DIS3L2: variants seen among roughly 807,000 people sequenced by gnomAD.
DIS3L2 encodes the protein DIS3 like 3'-5' exoribonuclease 2, also known as DIS3-like exonuclease 2.
Under a neutral mutation model 97.5 loss-of-function variants are expected in DIS3L2, and 34 were observed. That is an observed-to-expected ratio of 0.35 (90% CI 0.27 to 0.46). DIS3L2 has a LOEUF of 0.46. Ranked by LOEUF, DIS3L2 falls within the 20% of genes least tolerant of loss-of-function variation. The probability of loss-of-function intolerance (pLI) is 1.00; values close to 1 mark genes in which losing one functional copy is unlikely to be tolerated. For synonymous variants in DIS3L2, 435 were observed against 445.2 expected (o/e 0.98, Z 0.29); for missense variants, 1,038 against 1,146.0 (o/e 0.91, Z 1.36).
chr2:231,964,678 C>T (rs1692662595), intron 1 of DIS3L2, among the ~76,000 whole-genome samples: 1 of 152,180 alleles, frequency 6.6e-6, no homozygotes, highest in South Asian at 2.1e-4. Flanking sequence ...TATCAAAATT[C>T]ATTTAAAACT....
intron 14 of DIS3L2, among the ~76,000 whole-genome samples, chr2:232,312,634 G>A (rs1437815041): frequency 2.6e-5 from 4 of 152,172 alleles, no homozygotes; most frequent in Admixed American, 6.5e-5. Context: ...CCACATACAT[G>A]CACACAAACT....
chr2:232,319,585 C>A (rs1695370523), intron 14 of DIS3L2, among the ~76,000 whole-genome samples: 1 of 152,200 alleles, frequency 6.6e-6, no homozygotes, highest in Admixed American at 6.5e-5. Flanking sequence ...GCTACAGCCT[C>A]TACCAGGAAC....
At chr2:232,014,510 C>G (rs1022842187) in intron 1 of DIS3L2, among the ~76,000 whole-genome samples, 25 of 152,168 alleles carry the variant, frequency 1.6e-4, no homozygotes, top group Non-Finnish European at 3.7e-4. Context: ...TATCACTTTT[C>G]AAAACTATAT....
intron 1 of DIS3L2, among the ~76,000 whole-genome samples, chr2:232,000,613 T>TTTTCCTTTCCTTTCCCTTCC (rs1693854555): frequency 9.3e-6 from 1 of 107,316 alleles, no homozygotes; most frequent in Non-Finnish European, 1.8e-5. Context: ...CTTTCCTTTC[T>TTTTCCTTTCCTTTCCCTTCC]TTTCCTTTCC....
At chr2:232,097,905 G>C (rs1239046158) in intron 6 of DIS3L2, among the ~76,000 whole-genome samples, 1 of 152,202 alleles carries the variant, frequency 6.6e-6, no homozygotes, top group Non-Finnish European at 1.5e-5. Context: ...AAGGCCCATG[G>C]CATGCTACTT....
At chr2:232,329,785 T>TCCCGGGGGCGC in intron 14 of DIS3L2, 28 bp from the exon 15 acceptor site, 1 of 967,144 alleles carries the variant, frequency 1.0e-6, no homozygotes, top group Non-Finnish European at 1.5e-6. Context: ...ACCCCAGCGG[T>TCCCGGGGGCGC]CCCTCCCATC....
At chr2:232,097,127 G>A (rs1188894335) in intron 6 of DIS3L2, among the ~76,000 whole-genome samples, 6 of 152,178 alleles carry the variant, frequency 3.9e-5, no homozygotes, top group African/African-American at 1.4e-4. Flanking sequence ...TGCATTAGGG[G>A]TTACCACAAG....
intron 1 of DIS3L2, among the ~76,000 whole-genome samples, chr2:231,983,982 A>T (rs1469875785): frequency 6.6e-6 from 1 of 152,004 alleles, no homozygotes; most frequent in Non-Finnish European, 1.5e-5. Context: ...GGGATATAAT[A>T]AAAAGGCTAT....
chr2:232,018,183 G>C (rs1559545287), intron 3 of DIS3L2, among the ~76,000 whole-genome samples: 1 of 152,166 alleles, frequency 6.6e-6, no homozygotes. Flanking sequence ...GCGAAGGAGA[G>C]GACAGCGTTC....
At chr2:232,114,687 A>G (rs1697647116) in intron 6 of DIS3L2, among the ~76,000 whole-genome samples, 1 of 152,218 alleles carries the variant, frequency 6.6e-6, no homozygotes, top group Non-Finnish European at 1.5e-5. Context: ...CTATAATACC[A>G]GAGCACAACC....
chr2:232,076,028 G>C (rs1211734735), intron 5 of DIS3L2, among the ~76,000 whole-genome samples: 1 of 152,138 alleles, frequency 6.6e-6, no homozygotes, highest in Non-Finnish European at 1.5e-5. Flanking sequence ...AGCCAGTTGT[G>C]TTGTCCCTAG....
rs2106355695 is a variant in DIS3L2 at position 232,136,734 on chromosome 2, G to A, written c.950+15G>A. 4 of 1,611,020 alleles carry A rather than the reference G, an allele frequency of 2.5e-6. No individual in the cohort carries two copies. Among genetic ancestry groups the A allele is most frequent in the Non-Finnish European group, 3.4e-6 (4 of 1,177,670 alleles). On this transcript the variant is annotated intron_variant, in intron 8 of 20. Transcript: ENST00000325385. ...TTTGCCCTGGGGTAGGTGATCTCTG[G>A]TAGGAAAAACCACAGGTCACAGGCA...
chr2:232,093,957 T>C (rs1696923387), intron 6 of DIS3L2, among the ~76,000 whole-genome samples: 1 of 152,176 alleles, frequency 6.6e-6, no homozygotes, highest in African/African-American at 2.4e-5. Flanking sequence ...GGTGGTTTAT[T>C]TGAATTTTTT....
chr2:232,109,654 T>G (rs768420848), intron 6 of DIS3L2, among the ~76,000 whole-genome samples: 3 of 152,042 alleles, frequency 2.0e-5, no homozygotes, highest in Non-Finnish European at 2.9e-5. Flanking sequence ...TAAATGGTGC[T>G]GGGAGAACTG....
chr2:232,054,085 A>G (rs1251736304), intron 5 of DIS3L2, among the ~76,000 whole-genome samples: 2 of 152,222 alleles, frequency 1.3e-5, no homozygotes, highest in Admixed American at 6.5e-5. Flanking sequence ...CCCATCACTA[A>G]GAAAATTCCT....
At chr2:231,966,949 A>G (rs1018032799) in intron 1 of DIS3L2, among the ~76,000 whole-genome samples, 18 of 152,126 alleles carry the variant, frequency 1.2e-4, no homozygotes, top group African/African-American at 4.3e-4. Context: ...GCCTTAGAGT[A>G]GTTATTACGT....
intron 11 of DIS3L2, among the ~76,000 whole-genome samples, chr2:232,241,996 G>A (rs564290922): frequency 6.6e-6 from 1 of 152,232 alleles, no homozygotes; most frequent in Middle Eastern, 3.4e-3. Context: ...TCAAAGATTG[G>A]GATTGGAAGC....
In DIS3L2 at chr2:232,157,520, C is replaced by T. The variant is rs774277667; in HGVS notation, c.951-5939C>T. ...CCTTAATTACAAACAATGTTGAGTG[C>T]GATAATAGCTTAAAAGATATTTCGT... On this transcript the variant is annotated intron_variant, in intron 8 of 20. Transcript: ENST00000325385. Among the ~76,000 whole-genome samples, 17 of 152,150 alleles carry T rather than the reference C, an allele frequency of 1.1e-4. 1 individual carries two copies. The Middle Eastern group carries it at 0.014, about 122-fold the overall frequency.
At chr2:232,331,436 G>A (rs1433734810) in intron 16 of DIS3L2, among the ~76,000 whole-genome samples, 1 of 152,180 alleles carries the variant, frequency 6.6e-6, no homozygotes, top group Non-Finnish European at 1.5e-5. Flanking sequence ...TTAGGGGCTC[G>A]GTCACTCGGC....
Sources: allele counts gnomAD v4.1 joint callset (sites outside exome capture counted in the v4.1 genomes callset), GRCh38; gene constraint gnomAD v4.1.1; transcripts MANE v1.5; gene names NCBI Gene and HGNC (gene_info 2026-07-23, HGNC 2026-07-21).